ERC2: variants seen among roughly 807,000 people sequenced by gnomAD.
ERC2 encodes ERC protein 2.
Under a neutral mutation model 114.8 loss-of-function variants are expected in ERC2, and 42 were observed. The observed-to-expected ratio is 0.37, with a 90% CI of 0.29 to 0.47. The LOEUF is 0.47. Ranked by LOEUF, ERC2 falls within the 20% of genes least tolerant of loss-of-function variation. ERC2 has a pLI of 0.99. For synonymous variants in ERC2, 454 were observed against 425.5 expected (o/e 1.07, Z -0.82); for missense variants, 939 against 1,150.7 (o/e 0.82, Z 2.66).
chr3:56,114,856 G>A (rs9874662), intron 6 of ERC2, among the ~76,000 whole-genome samples: 25,484 of 152,060 alleles, frequency 0.17, 2,299 homozygotes, highest in African/African-American at 0.21. Context: ...AACAAAAATG[G>A]TAGCCCCTCC....
At chr3:55,645,836 A>C (rs1559793121) in intron 17 of ERC2, among the ~76,000 whole-genome samples, 1 of 152,180 alleles carries the variant, frequency 6.6e-6, no homozygotes, top group Non-Finnish European at 1.5e-5. Context: ...TTTTCGGATA[A>C]GGGAAAACCA....
chr3:55,737,965 C>G (rs2065744184), intron 14 of ERC2, among the ~76,000 whole-genome samples: 1 of 152,170 alleles, frequency 6.6e-6, no homozygotes, highest in Non-Finnish European at 1.5e-5. Flanking sequence ...TCTCTAATCT[C>G]AGGGTTGCCC....
intron 6 of ERC2, among the ~76,000 whole-genome samples, chr3:56,110,567 A>G (rs2078906808): frequency 6.6e-6 from 1 of 152,196 alleles, no homozygotes; most frequent in Admixed American, 6.5e-5. Context: ...TAATGTACAT[A>G]CAACATAACA....
chr3:56,217,726 T>A (rs2049588698), intron 3 of ERC2, among the ~76,000 whole-genome samples: 1 of 152,224 alleles, frequency 6.6e-6, no homozygotes, highest in African/African-American at 2.4e-5. Context: ...TCACGCTACC[T>A]GACTTCAAAC....
chr3:55,955,124 C>A (rs1360758821), intron 12 of ERC2: 1 of 514,784 alleles, frequency 1.9e-6, no homozygotes, highest in African/African-American at 1.9e-5. Flanking sequence ...TATAGACACA[C>A]ATGCATATGA....
At chr3:55,540,071 G>C (rs1397918811) in intron 17 of ERC2, among the ~76,000 whole-genome samples, 1 of 152,008 alleles carries the variant, frequency 6.6e-6, no homozygotes, top group Admixed American at 6.5e-5. Context: ...AGGATCCCAA[G>C]GGCATCTTAG....
chr3:56,168,992 A>G (rs1390513039), intron 4 of ERC2, among the ~76,000 whole-genome samples: 1 of 152,204 alleles, frequency 6.6e-6, no homozygotes, highest in African/African-American at 2.4e-5. Flanking sequence ...ATGTCACTCA[A>G]GAGGAACAAC....
rs375227366 is a variant in ERC2, at chr3:56,434,668, C to T, written c.340G>A (p.Val114Ile). The T allele has an allele frequency of 1.5e-5, 25 of 1,613,968 alleles. No individual in the cohort carries two copies. In the African/African-American group the frequency reaches 2.7e-4, roughly 17 times the overall value. The change falls in exon 2 of 18, where the codon GTC becomes ATC. Residue 114 changes from valine (V) to isoleucine (I), a missense_variant. Transcript: ENST00000288221. ...CCATGTTGATCTGTGTATGAAAGGA[C>T]ATCTGTGTGGGAAAGTCCAGCAGAA... is the stretch of plus-strand genomic sequence containing the variant. Reference protein sequence around the residue: ...IASAGLSHTDVLSYTDQHGGL... With the variant: ...IASAGLSHTDILSYTDQHGGL...
chr3:55,625,737 C>T (rs9311574), intron 17 of ERC2, among the ~76,000 whole-genome samples: 54,371 of 150,992 alleles, frequency 0.36, 10,521 homozygotes, highest in East Asian at 0.61. Flanking sequence ...GGCGACAGAG[C>T]GAGACTCCGT....
chr3:56,000,882 C>T (rs2071993977), intron 10 of ERC2, among the ~76,000 whole-genome samples: 1 of 140,992 alleles, frequency 7.1e-6, no homozygotes, highest in Non-Finnish European at 1.5e-5. Flanking sequence ...AGCGAGACTT[C>T]GTCTTAAGTT....
At chr3:55,916,980 C>T (rs2065137178) in intron 13 of ERC2, among the ~76,000 whole-genome samples, 1 of 151,952 alleles carries the variant, frequency 6.6e-6, no homozygotes, top group African/African-American at 2.4e-5. Context: ...AAGTGCAAAG[C>T]CATGAGGTAT....
intron 17 of ERC2, among the ~76,000 whole-genome samples, chr3:55,588,281 C>T (rs1559701262): frequency 6.6e-6 from 1 of 152,144 alleles, no homozygotes; most frequent in African/African-American, 2.4e-5. Context: ...CTTCCAGCCC[C>T]AACCCCTCCT....
chr3:56,371,327 A>G (rs2059355503), intron 2 of ERC2, among the ~76,000 whole-genome samples: 1 of 152,130 alleles, frequency 6.6e-6, no homozygotes, highest in Non-Finnish European at 1.5e-5. Context: ...GAAGCCAAAT[A>G]CTGCACTTTT....
chr3:55,777,277 A>G (rs113101822), intron 14 of ERC2, among the ~76,000 whole-genome samples: 4 of 146,830 alleles, frequency 2.7e-5, no homozygotes, highest in African/African-American at 1.0e-4. Flanking sequence ...TGGGGTAACA[A>G]CCTGCAGAAA....
chr3:55,809,351 A>G (rs1327928034), intron 14 of ERC2, among the ~76,000 whole-genome samples: 1 of 152,166 alleles, frequency 6.6e-6, no homozygotes, highest in East Asian at 1.9e-4. Context: ...AGTATCTGAA[A>G]AACACAGGCA....
intron 6 of ERC2, among the ~76,000 whole-genome samples, chr3:56,093,634 A>G (rs1258005905): frequency 1.3e-5 from 2 of 152,164 alleles, no homozygotes; most frequent in East Asian, 1.9e-4. Flanking sequence ...TTAAATTAAT[A>G]TCATTAATTT....
intron 14 of ERC2, among the ~76,000 whole-genome samples, chr3:55,766,501 C>T (rs2067803876): frequency 6.6e-6 from 1 of 152,128 alleles, no homozygotes. Context: ...CTTTCCTGCC[C>T]AGCCTTGGAA....
At chr3:56,090,763 G>T (rs1418341429) in intron 6 of ERC2, among the ~76,000 whole-genome samples, 1 of 149,412 alleles carries the variant, frequency 6.7e-6, no homozygotes, top group African/African-American at 2.5e-5. Flanking sequence ...TGCCCGATAG[G>T]TGATTTTTCA....
At chr3:55,988,935 C>T (rs549788729) in intron 11 of ERC2, among the ~76,000 whole-genome samples, 8 of 152,296 alleles carry the variant, frequency 5.3e-5, no homozygotes, top group African/African-American at 7.2e-5. Flanking sequence ...GGTCAGAATA[C>T]ACATGTAGCA....
Sources: allele counts gnomAD v4.1 joint callset (sites outside exome capture counted in the v4.1 genomes callset), GRCh38; gene constraint gnomAD v4.1.1; transcripts MANE v1.5; gene names NCBI Gene and HGNC (gene_info 2026-07-23, HGNC 2026-07-21).